Variants in ARL6IP6 observed in about 807,000 individuals in gnomAD.
ARL6IP6 encodes ADP-ribosylation factor-like protein 6-interacting protein 6.
A neutral mutation model predicts 21.5 loss-of-function variants in ARL6IP6; 22 were observed. That is an observed-to-expected ratio of 1.02 (90% CI 0.73 to 1.46). The LOEUF is 1.46. Ranked by LOEUF, ARL6IP6 falls within the 40% of genes most tolerant of loss-of-function variation. ARL6IP6 has a pLI of 0.00. For synonymous variants in ARL6IP6, 164 were observed against 125.3 expected, an observed-to-expected ratio of 1.31 and a Z score of -2.06; for missense variants, 388 against 299.8, an observed-to-expected ratio of 1.29 and a Z score of -2.17.
At chr2:152,732,475 A>T (rs1055336331) in intron 2 of ARL6IP6, 63 of 405,226 alleles carry the variant, frequency 1.6e-4, no homozygotes, top group Non-Finnish European at 2.9e-4. Flanking sequence ...CTGCAATTGC[A>T]TTTAACTTTA....
At chr2:152,730,309 A>G (rs1700248115) in intron 2 of ARL6IP6, among the ~76,000 whole-genome samples, 2 of 152,184 alleles carry the variant, frequency 1.3e-5, no homozygotes, top group Non-Finnish European at 2.9e-5. Flanking sequence ...TTTTTATGTT[A>G]CTTTGTGTCT....
At chr2:152,746,192 A>G (rs1227360069) in intron 3 of ARL6IP6, among the ~76,000 whole-genome samples, 1 of 151,694 alleles carries the variant, frequency 6.6e-6, no homozygotes, top group African/African-American at 2.4e-5. Context: ...TAATCTGGCT[A>G]ATTTTTGTAT....
At chr2:152,720,209 A>C (rs1699715562) in intron 1 of ARL6IP6, 2 of 367,180 alleles carry the variant, frequency 5.4e-6, no homozygotes, top group South Asian at 5.1e-5. Flanking sequence ...ATTCCATTGC[A>C]GAAGACATTG....
At chr2:152,729,081 C>T (rs1009381525) in intron 2 of ARL6IP6, among the ~76,000 whole-genome samples, 3 of 151,064 alleles carry the variant, frequency 2.0e-5, no homozygotes, top group African/African-American at 7.3e-5. Context: ...AATTAATATA[C>T]ATCACTTTGG....
At chr2:152,723,297 T>C (rs1028123425) in intron 2 of ARL6IP6, among the ~76,000 whole-genome samples, 1 of 152,270 alleles carries the variant, frequency 6.6e-6, no homozygotes, top group African/African-American at 2.4e-5. Context: ...AAAAGTACCA[T>C]GCAGCCTTTT....
At chr2:152,728,153 A>C (rs1700130595) in intron 2 of ARL6IP6, among the ~76,000 whole-genome samples, 1 of 152,224 alleles carries the variant, frequency 6.6e-6, no homozygotes, top group South Asian at 2.1e-4. Context: ...ATTAGTATAC[A>C]TAGGTCTACC....
At chr2:152,737,544 A>G (rs1700605986) in intron 3 of ARL6IP6, among the ~76,000 whole-genome samples, 1 of 152,160 alleles carries the variant, frequency 6.6e-6, no homozygotes, top group African/African-American at 2.4e-5. Context: ...AAAGAGTTTT[A>G]ATTGACTCAC....
intron 3 of ARL6IP6, among the ~76,000 whole-genome samples, chr2:152,749,709 C>G (rs1701230555): frequency 6.6e-6 from 1 of 152,190 alleles, no homozygotes; most frequent in Admixed American, 6.5e-5. Context: ...GCAAGGCTGG[C>G]ACTCAGACCC....
At chr2:152,718,497 C>G (rs573285296), upstream of ARL6IP6, 11 of 1,357,020 alleles carry the variant, frequency 8.1e-6, no homozygotes, top group East Asian at 2.9e-4. Context: ...CACCCTTGCT[C>G]TCCGTGGTTT....
chr2:152,726,737 A>G (rs1482951748), intron 2 of ARL6IP6, among the ~76,000 whole-genome samples: 1 of 152,220 alleles, frequency 6.6e-6, no homozygotes. Flanking sequence ...AGTGGTCTGC[A>G]TATATGCCTG....
intron 3 of ARL6IP6, among the ~76,000 whole-genome samples, chr2:152,758,807 G>C (rs1420426329): frequency 6.6e-6 from 1 of 152,112 alleles, no homozygotes. Context: ...ACAGCTAAGT[G>C]CTTCTCTGGC....
At chr2:152,746,959 G>T (rs1322475609) in intron 3 of ARL6IP6, among the ~76,000 whole-genome samples, 4 of 148,934 alleles carry the variant, frequency 2.7e-5, no homozygotes, top group Admixed American at 1.4e-4. Context: ...CCAAATTGCT[G>T]GGACTACAGG....
intron 1 of ARL6IP6, 89 bp downstream of exon 1, chr2:152,719,113 G>T: frequency 2.2e-6 from 3 of 1,383,686 alleles, no homozygotes; most frequent in East Asian, 2.6e-5. Context: ...TTTCCCTCGC[G>T]CTAAGCCCTC....
rs1701768395 is a variant in ARL6IP6, at chr2:152,760,117, TTC to T, written c.*279_*280del. The T allele has an allele frequency of 4.0e-6, 1 of 247,464 alleles. No individual in the cohort carries two copies. The highest frequency in any genetic ancestry group is 5.2e-5 in the Admixed American group (1 of 19,382). 15.3% of individuals were successfully genotyped at this position (247,464 alleles called of 1,614,324 possible). ...CATCTTTTTACTTTTGTGTGTGTAGTTCTTTCAAGTTGTAGGAAACATTTTAA... is the reference window on the plus strand; with the variant it reads ...CATCTTTTTACTTTTGTGTGTGTAGTTTTCAAGTTGTAGGAAACATTTTAA... On this transcript the variant is annotated 3_prime_UTR_variant, in exon 4 of 4. Coordinates refer to ENST00000326446, the MANE Select transcript of ARL6IP6 (RefSeq NM_152522.7).
At chr2:152,732,428 A>G in intron 2 of ARL6IP6, 1 of 341,560 alleles carries the variant, frequency 2.9e-6, no homozygotes, top group Non-Finnish European at 5.9e-6. Flanking sequence ...TATTGAATTG[A>G]GCATCTGTTC....
chr2:152,732,556 T>G, intron 2 of ARL6IP6: 1 of 460,814 alleles, frequency 2.2e-6, no homozygotes, highest in Non-Finnish European at 4.5e-6. Flanking sequence ...GCAGGAAATT[T>G]TCCCTTATGC....
chr2:152,730,593 C>G (rs1700262540), intron 2 of ARL6IP6, among the ~76,000 whole-genome samples: 1 of 151,908 alleles, frequency 6.6e-6, no homozygotes, highest in Non-Finnish European at 1.5e-5. Context: ...TTCTAAGGTT[C>G]TGTTCACCCA....
At chr2:152,757,568 G>A (rs1292830568) in intron 3 of ARL6IP6, among the ~76,000 whole-genome samples, 1 of 152,098 alleles carries the variant, frequency 6.6e-6, no homozygotes, top group Non-Finnish European at 1.5e-5. Flanking sequence ...TTCAGTCTTT[G>A]TTAACAGACT....
intron 2 of ARL6IP6, among the ~76,000 whole-genome samples, chr2:152,733,492 G>A (rs1178352934): frequency 6.6e-6 from 1 of 152,062 alleles, no homozygotes; most frequent in Non-Finnish European, 1.5e-5. Context: ...CAAACTCTTG[G>A]CCTCAAGTAA....
Sources: gnomAD v4.1 joint callset for allele counts (sites outside exome capture counted in the v4.1 genomes callset) on GRCh38, gnomAD v4.1.1 for gene constraint, MANE v1.5 for transcripts, NCBI Gene and HGNC (gene_info 2026-07-23, HGNC 2026-07-21) for gene names.